Variants in SETX observed in about 807,000 individuals in gnomAD.
The protein encoded by SETX is senataxin.
In SETX, 90 loss-of-function variants were observed where a neutral mutation model predicts 227.2. The observed-to-expected ratio is 0.40, with a 90% CI of 0.33 to 0.47. SETX has a LOEUF of 0.47. Among genes scored for constraint, SETX ranks in the 20% least tolerant of loss-of-function variants. The pLI, the probability that SETX is intolerant of heterozygous loss-of-function variation, is 0.91. For synonymous variants in SETX, 1,210 were observed against 1,113.2 expected (o/e 1.09, Z -1.73); for missense variants, 3,052 against 3,181.5 (o/e 0.96, Z 0.98).
At chr9:132,338,894 G>T (rs926687739) in intron 5 of SETX, among the ~76,000 whole-genome samples, 1 of 151,966 alleles carries the variant, frequency 6.6e-6, no homozygotes. Context: ...AGTAGCTAGG[G>T]CTACAGGTGT....
intron 24 of SETX, 93 bp from the exon 25 acceptor site, chr9:132,269,795 C>A: frequency 2.4e-6 from 3 of 1,255,366 alleles, no homozygotes; most frequent in South Asian, 1.2e-5. Flanking sequence ...TCAACGTGCC[C>A]GTGTCTGACA....
chr9:132,295,917 T>C lies in SETX; in HGVS notation c.6061A>G (p.Ile2021Val). 1 of 1,614,078 alleles carries C rather than the reference T, an allele frequency of 6.2e-7. No individual in the cohort carries two copies. Reference protein sequence around the residue: ...AAVDELMKKIILEFKEKCKDK... With the variant: ...AAVDELMKKIVLEFKEKCKDK... Reference sequence around the variant, plus strand: ...TTACATTTTTCTTTGAATTCAAGGATAATTTTTTTCATGAGTTCATCAACA... The same window carrying C: ...TTACATTTTTCTTTGAATTCAAGGACAATTTTTTTCATGAGTTCATCAACA... Residue 2021 changes from isoleucine to valine, a missense_variant, in exon 15 of 26, where the codon ATC becomes GTC. Transcript: ENST00000224140.
chr9:132,269,151 G>A (rs28513470), intron 25 of SETX, among the ~76,000 whole-genome samples: 10,905 of 152,296 alleles, frequency 0.072, 765 homozygotes, highest in East Asian at 0.37. Context: ...CGCCTGTCCT[G>A]GCAGAAGAAT....
chr9:132,302,645 A>C (rs1233327577), intron 11 of SETX, among the ~76,000 whole-genome samples: 2 of 129,510 alleles, frequency 1.5e-5, no homozygotes, highest in African/African-American at 5.7e-5. Context: ...GGGCAACAAG[A>C]GTGAGACTTT....
At position 132,346,254 on chromosome 9, in the gene SETX, TACTC is replaced by T. The variant is rs768876008; in HGVS notation, c.388+3_388+6del. On this transcript the variant is annotated splice_donor_5th_base_variant and intron_variant, in intron 4 of 25. Transcript: ENST00000224140. The stretch of plus-strand genomic sequence containing the variant: ...GATATAACTTGAGGAACCATCAAGA[TACTC>T]ACTAACACGTTCATGTAGAAGCAAG... 3 of 1,600,694 alleles carry T rather than the reference TACTC, an allele frequency of 1.9e-6. No individual in the cohort carries two copies. Among genetic ancestry groups the T allele is most frequent in the South Asian group, 1.1e-5 (1 of 90,824 alleles).
At position 132,275,284 on chromosome 9, in the gene SETX, C is replaced by T. The variant is rs1564474878; in HGVS notation, c.7072G>A (p.Asp2358Asn). The part of the protein sequence containing the change: ...YKAQKTMIQK[D>N]LDKEFDRKGP... ...TTTCTATCGAACTCTTTGTCCAAAT[C>T]CTTCTGAATCATCGTCTTCTGGGCC... Residue 2358 changes from aspartate (D) to asparagine (N), a missense_variant, in exon 23 of 26, where the codon GAT becomes AAT. Around this residue, in one of 10 missense-constraint regions of SETX, gnomAD observed 412 missense variants for 589.0 expected, o/e 0.70. Transcript: ENST00000224140. 3 of 1,614,114 alleles carry T rather than the reference C, an allele frequency of 1.9e-6. No homozygotes were observed. Among genetic ancestry groups the T allele is most frequent in the Non-Finnish European group, 2.5e-6 (3 of 1,180,008 alleles).
chr9:132,335,911 G>A (rs1056223201), intron 6 of SETX, among the ~76,000 whole-genome samples: 3 of 152,130 alleles, frequency 2.0e-5, no homozygotes, highest in East Asian at 1.9e-4. Flanking sequence ...AGTTTCATCA[G>A]ATCACCAAAG....
intron 9 of SETX, 38 bp from the exon 10 acceptor site, chr9:132,330,537 C>A (rs771907046): frequency 6.4e-7 from 1 of 1,574,792 alleles, no homozygotes. Flanking sequence ...GATAAATAAG[C>A]ACCACTTATG....
chr9:132,278,383 A>G, intron 20 of SETX, 126 bp from the exon 21 acceptor site: 2 of 772,990 alleles, frequency 2.6e-6, no homozygotes, highest in African/African-American at 1.7e-5. Flanking sequence ...ATTACCAACC[A>G]CAGCTTCAGA....
chr9:132,345,770 A>G (rs1438556816), intron 4 of SETX, among the ~76,000 whole-genome samples: 1 of 152,192 alleles, frequency 6.6e-6, no homozygotes, highest in South Asian at 2.1e-4. Context: ...TAATCCCAGC[A>G]ATTTGGGAAG....
chr9:132,283,159 GC>G lies in SETX; in HGVS notation c.6546+104del. The G allele has an allele frequency of 6.4e-6, 8 of 1,249,984 alleles. No individual in the cohort carries two copies. The African/African-American group carries it at 7.8e-5, about 12-fold the overall frequency. 77.4% of individuals were successfully genotyped at this position (1,249,984 alleles called of 1,614,324 possible). A position where few individuals can be genotyped will look rare whatever the true frequency, so the allele number is the denominator to read the frequency against. Reference sequence around the variant, plus strand: ...AGGTAATAGCAAGTGAAAATCAGATGCAAAAAAAAAAAACACATTTCCTCAA... The same window carrying G: ...AGGTAATAGCAAGTGAAAATCAGATGAAAAAAAAAAAACACATTTCCTCAA... On this transcript the variant is annotated intron_variant, in intron 19 of 25. Coordinates refer to ENST00000224140, the MANE Select transcript of SETX (RefSeq NM_015046.7).
At chr9:132,350,255 C>T (rs1188937990) in intron 2 of SETX, among the ~76,000 whole-genome samples, 5 of 152,100 alleles carry the variant, frequency 3.3e-5, no homozygotes, top group Non-Finnish European at 7.4e-5. Context: ...GAGGCTGAGG[C>T]AGGAGTACTG....
chr9:132,323,796 A>G (rs1225826510), intron 10 of SETX, among the ~76,000 whole-genome samples: 1 of 152,060 alleles, frequency 6.6e-6, no homozygotes, highest in Non-Finnish European at 1.5e-5. Context: ...CCAGTTATTC[A>G]AGAGGCTGTG....
chr9:132,273,385 A>T (rs1042861015), intron 23 of SETX, among the ~76,000 whole-genome samples: 2 of 151,314 alleles, frequency 1.3e-5, no homozygotes, highest in African/African-American at 4.9e-5. Flanking sequence ...CTGGTCTTGA[A>T]CTCCTGACCT....
chr9:132,265,271 G>A (rs1842588704), intron 25 of SETX, among the ~76,000 whole-genome samples: 1 of 143,524 alleles, frequency 7.0e-6, no homozygotes, highest in Admixed American at 7.0e-5. Flanking sequence ...CTGTTGCCAG[G>A]CTGGAGTGCA....
At chr9:132,342,881 GTAAA>G in intron 4 of SETX, 82 bp from the exon 5 acceptor site, 3 of 1,020,942 alleles carry the variant, frequency 2.9e-6, no homozygotes, top group South Asian at 2.7e-5. Context: ...GGGCTATTCT[GTAAA>G]TAAATAAAAA....
chr9:132,295,669 T>C (rs558782872), intron 15 of SETX, among the ~76,000 whole-genome samples: 1 of 152,338 alleles, frequency 6.6e-6, no homozygotes, highest in Non-Finnish European at 1.5e-5. Context: ...CCTTGAAGAC[T>C]TCACTGATGA....
At chr9:132,325,631 G>C (rs1292608705) in intron 10 of SETX, among the ~76,000 whole-genome samples, 1 of 151,998 alleles carries the variant, frequency 6.6e-6, no homozygotes, top group East Asian at 1.9e-4. Flanking sequence ...TCAGCTCCAA[G>C]GAGCAGAGTT....
At chr9:132,334,800 G>A (rs1222865481) in intron 6 of SETX, 73 bp from the exon 7 acceptor site, 1 of 1,512,764 alleles carries the variant, frequency 6.6e-7, no homozygotes, top group East Asian at 2.3e-5. Flanking sequence ...GTTTGCAAAA[G>A]AATAACAAGG....
Sources: allele counts gnomAD v4.1 joint callset (sites outside exome capture counted in the v4.1 genomes callset), GRCh38; gene constraint gnomAD v4.1.1; regional missense constraint gnomAD v4.1.1; transcripts MANE v1.5; gene names NCBI Gene and HGNC (gene_info 2026-07-23, HGNC 2026-07-21).